Variants in CPLANE1 observed in about 807,000 individuals in gnomAD.
The protein encoded by CPLANE1 is ciliogenesis and planar polarity effector complex subunit 1, also known as ciliogenesis and planar polarity effector 1.
In CPLANE1, 263 loss-of-function variants were observed where a neutral mutation model predicts 362.5. The observed-to-expected ratio is 0.73, with a 90% CI of 0.66 to 0.80. CPLANE1 has a LOEUF of 0.80. Among genes scored for constraint, CPLANE1 ranks in the 30% least tolerant of loss-of-function variants. The pLI is 0.00. For missense variants in CPLANE1, 3,461 were observed against 3,793.4 expected (o/e 0.91, Z 2.30); for synonymous variants, 1,212 against 1,302.6 (o/e 0.93, Z 1.50).
At chr5:37,212,951 G>A (rs1463867028) in intron 16 of CPLANE1, among the ~76,000 whole-genome samples, 3 of 152,320 alleles carry the variant, frequency 2.0e-5, no homozygotes, top group East Asian at 1.9e-4. Flanking sequence ...CGTGGCGCAC[G>A]CCTATAATCC....
At chr5:37,112,283 T>C (rs985907728) in intron 51 of CPLANE1, among the ~76,000 whole-genome samples, 1 of 152,252 alleles carries the variant, frequency 6.6e-6, no homozygotes. Flanking sequence ...TGAGAGGCTA[T>C]CACTGGGTTT....
the CPLANE1 span, among the ~76,000 whole-genome samples, chr5:37,090,527 A>C: frequency 6.6e-6 from 1 of 152,210 alleles, no homozygotes; most frequent in Non-Finnish European, 1.5e-5. Context: ...CACAGGACAA[A>C]TAGAGCACAT....
chr5:37,186,083 A>G (rs552759413), intron 24 of CPLANE1, among the ~76,000 whole-genome samples: 11 of 152,354 alleles, frequency 7.2e-5, no homozygotes, highest in South Asian at 6.2e-4. Flanking sequence ...CAGAGCCATG[A>G]GCCGAAGTCA....
the CPLANE1 span, among the ~76,000 whole-genome samples, chr5:37,079,365 G>A: frequency 1.3e-5 from 2 of 152,058 alleles, no homozygotes; most frequent in African/African-American, 4.8e-5. Flanking sequence ...ATGGTTGTAG[G>A]TGTGCTAAAT....
chr5:37,126,735 A>T (rs1002515157), intron 46 of CPLANE1, among the ~76,000 whole-genome samples: 11 of 152,164 alleles, frequency 7.2e-5, no homozygotes, highest in African/African-American at 2.7e-4. Context: ...AGTGGCATGC[A>T]CCTGTAGTCC....
chr5:37,157,264 T>C, intron 41 of CPLANE1, 49 bp downstream of exon 41: 2 of 1,159,002 alleles, frequency 1.7e-6, no homozygotes, highest in Non-Finnish European at 2.3e-6. Flanking sequence ...TTGTTTCCAA[T>C]ACAACAGTAA....
At chr5:37,086,948 G>A in the CPLANE1 span, among the ~76,000 whole-genome samples, 1 of 152,230 alleles carries the variant, frequency 6.6e-6, no homozygotes, top group African/African-American at 2.4e-5. Flanking sequence ...AAAGGACCAT[G>A]TGGTCAAGTG....
At chr5:37,104,393 T>C (rs1281002865), downstream of CPLANE1, among the ~76,000 whole-genome samples, 1 of 150,424 alleles carries the variant, frequency 6.6e-6, no homozygotes, top group Non-Finnish European at 1.5e-5. Flanking sequence ...AGGTCAGGAG[T>C]TAAGAGACCA....
At chr5:37,233,428 T>C (rs190744467) in intron 8 of CPLANE1, among the ~76,000 whole-genome samples, 8 of 151,972 alleles carry the variant, frequency 5.3e-5, no homozygotes, top group South Asian at 2.1e-4. Context: ...ATTTTGACTG[T>C]TTAGAGCTGG....
At position 37,169,160 on chromosome 5, in the gene CPLANE1, C is replaced by T; in HGVS notation, c.6864G>A (p.Gln2288=). 1 of 1,614,150 alleles carries T rather than the reference C, an allele frequency of 6.2e-7. No individual in the cohort carries two copies. Among genetic ancestry groups the T allele is most frequent in the Non-Finnish European group, 8.5e-7 (1 of 1,180,016 alleles). The part of the protein sequence containing the change: ...TTPASHLNVS[Q]YNTEARKKEV... ...CTTTTTTTCTGGCTTCAGTGTTATA[C>T]TGGCTTACATTCAAATGGGATGCTG... Residue 2288 remains glutamine (Q), a synonymous_variant, in exon 34 of 53, where the codon CAG becomes CAA. Coordinates refer to ENST00000651892, the MANE Select transcript of CPLANE1 (RefSeq NM_001384732.1).
At position 37,142,432 on chromosome 5, in the gene CPLANE1, T is replaced by C; in HGVS notation, c.8510A>G (p.Glu2837Gly). 6.2e-7 allele frequency: 1 copy of C among 1,608,142 alleles called. No individual in the cohort carries two copies. The highest frequency in any genetic ancestry group is 8.5e-7 in the Non-Finnish European group (1 of 1,177,652). ...MDEEDQSDKKETSEPEFSITE... is the reference protein window; with the variant it reads ...MDEEDQSDKKGTSEPEFSITE... ...TATTGAAAATTCAGGTTCTGAAGTCTCCTTTTTGTCACTTTGATCTTCTTC... is the reference window on the plus strand; with the variant it reads ...TATTGAAAATTCAGGTTCTGAAGTCCCCTTTTTGTCACTTTGATCTTCTTC... Residue 2837 changes from glutamate (E) to glycine (G), a missense_variant, in exon 44 of 53, where the codon GAG (glutamate) becomes GGG (glycine). Glu to Gly is a moderately conservative substitution (Grantham distance 98). Coordinates refer to ENST00000651892, the MANE Select transcript of CPLANE1 (RefSeq NM_001384732.1).
rs781525957 is a variant in CPLANE1 at position 37,121,761 on chromosome 5, CTA to C, written c.9039_9040del (p.Tyr3013Ter). On this transcript the variant is annotated stop_gained and frameshift_variant, in exon 49 of 53. Coordinates refer to ENST00000651892, the MANE Select transcript of CPLANE1 (RefSeq NM_001384732.1). LOFTEE classifies it high-confidence loss of function. ...ACCGTACGCTTGTGAGATTCGACGA[CTA>C]TAGTGTTCAGAGAGCAGCAATCTGT... 1.2e-6 allele frequency: 2 copies of C among 1,613,906 alleles called. No homozygotes were observed. Among genetic ancestry groups the C allele is most frequent in the South Asian group, 1.1e-5 (1 of 91,070 alleles).
the CPLANE1 span, among the ~76,000 whole-genome samples, chr5:37,076,994 C>T: frequency 9.3e-5 from 14 of 150,976 alleles, no homozygotes; most frequent in African/African-American, 3.4e-4. Context: ...CTTTGCAGGC[C>T]GTAAGGTCTA....
the CPLANE1 span, among the ~76,000 whole-genome samples, chr5:37,098,160 G>A: frequency 4.6e-5 from 7 of 151,896 alleles, no homozygotes; most frequent in Admixed American, 1.3e-4. Context: ...TTGGGAGGCC[G>A]AGGCGGGTGG....
intron 29 of CPLANE1, among the ~76,000 whole-genome samples, chr5:37,177,939 T>C (rs752899008): frequency 9.2e-5 from 14 of 152,330 alleles, no homozygotes; most frequent in Non-Finnish European, 1.8e-4. Context: ...AAGACAAGAT[T>C]GTGTCAGTAG....
At position 37,183,186 on chromosome 5, in the gene CPLANE1, C is replaced by A. The variant is rs772647028; in HGVS notation, c.4995G>T (p.Ser1665=). 1.9e-6 allele frequency: 3 copies of A among 1,611,030 alleles called. No homozygotes were observed. The highest frequency in any genetic ancestry group is 2.2e-5 in the East Asian group (1 of 44,820). ...QGIKPFLQYP[S]NEVNKNEGMS... Reference sequence around the variant, plus strand: ...TTCCTTCATTCTTATTGACTTCATTCGAAGGATATTGTAAAAAAGGTTTGA... The same window carrying A: ...TTCCTTCATTCTTATTGACTTCATTAGAAGGATATTGTAAAAAAGGTTTGA... The change falls in exon 26 of 53, where the codon TCG becomes TCT. Residue 1665 remains serine, a synonymous_variant. Transcript: ENST00000651892.
In CPLANE1 at chr5:37,139,702, C is replaced by T. The variant is rs555548040; in HGVS notation, c.8633-332G>A. ...AATGGCTGGGATTACAGGTGTGTGC[C>T]GCAATGCAGGCTAATTTTTGTATTT... On this transcript the variant is annotated intron_variant, in intron 44 of 52. Transcript: ENST00000651892. 7.3e-5 allele frequency: 28 copies of T among 384,764 alleles called. No homozygotes were observed. In the East Asian group the frequency reaches 3.4e-3, roughly 46 times the overall value. 23.8% of individuals were successfully genotyped at this position (384,764 alleles called of 1,614,324 possible). A position where few individuals can be genotyped will look rare whatever the true frequency, so the allele number is the denominator to read the frequency against.
At chr5:37,138,599 A>C in intron 46 of CPLANE1, 121 bp downstream of exon 46, 1 of 1,119,922 alleles carries the variant, frequency 8.9e-7, no homozygotes, top group Non-Finnish European at 1.3e-6. Flanking sequence ...AACATGAAAA[A>C]AAAATCTATT....
intron 18 of CPLANE1, among the ~76,000 whole-genome samples, chr5:37,203,653 G>A (rs2150091783): frequency 6.6e-6 from 1 of 152,182 alleles, no homozygotes; most frequent in South Asian, 2.1e-4. Context: ...AAGCAGCTGG[G>A]ACTACAGGCA....
Sources: allele counts gnomAD v4.1 joint callset (sites outside exome capture counted in the v4.1 genomes callset), GRCh38; gene constraint gnomAD v4.1.1; transcripts MANE v1.5; gene names NCBI Gene and HGNC (gene_info 2026-07-23, HGNC 2026-07-21).